Variants in SOX6 observed in about 807,000 individuals in gnomAD.
SOX6 encodes the protein transcription factor SOX-6.
Under a neutral mutation model 97.8 loss-of-function variants are expected in SOX6, and 11 were observed. The observed-to-expected ratio is 0.11, with a 90% CI of 0.07 to 0.19. The LOEUF (loss-of-function observed/expected upper bound fraction) is 0.19, where lower values mean the gene tolerates loss of function less well. Ranked by LOEUF, SOX6 falls within the 10% of genes least tolerant of loss-of-function variation. The probability of loss-of-function intolerance (pLI) is 1.00; values close to 1 mark genes in which losing one functional copy is unlikely to be tolerated. For missense variants in SOX6, 810 were observed against 1,039.5 expected (o/e 0.78, Z 3.04); for synonymous variants, 360 against 371.4 (o/e 0.97, Z 0.35).
chr11:16,331,318 C>G (rs1023771917), intron 2 of SOX6, among the ~76,000 whole-genome samples: 8 of 152,136 alleles, frequency 5.3e-5, no homozygotes, highest in African/African-American at 1.9e-4. Context: ...TTGTCAAATC[C>G]ATTTGTTCCT....
At chr11:16,699,642 A>G (rs1024735924) in intron 3 of SOX6, among the ~76,000 whole-genome samples, 1 of 152,212 alleles carries the variant, frequency 6.6e-6, no homozygotes, top group Non-Finnish European at 1.5e-5. Context: ...AAGTCACACT[A>G]TACTAGATAC....
At chr11:16,043,536 C>G (rs537955308) in intron 12 of SOX6, among the ~76,000 whole-genome samples, 36 of 152,262 alleles carry the variant, frequency 2.4e-4, no homozygotes, top group Admixed American at 1.4e-3. Context: ...TTACCCAATA[C>G]AGTGAGACCC....
intron 3 of SOX6, among the ~76,000 whole-genome samples, chr11:16,705,786 T>C (rs1196079798): frequency 6.6e-6 from 1 of 152,128 alleles, no homozygotes; most frequent in Non-Finnish European, 1.5e-5. Context: ...CGTTATATAT[T>C]AAGATGTTAA....
intron 11 of SOX6, 86 bp downstream of exon 11, chr11:16,049,669 G>T (rs751769922): frequency 6.7e-7 from 1 of 1,495,148 alleles, no homozygotes; most frequent in Non-Finnish European, 9.2e-7. Context: ...GAGCACTTTG[G>T]AAACAAGTAT....
chr11:16,502,506 TTGCCAAAGAG>T (rs1860724059), intron 4 of SOX6, among the ~76,000 whole-genome samples: 1 of 151,522 alleles, frequency 6.6e-6, no homozygotes, highest in Non-Finnish European at 1.5e-5. Context: ...AATGAGAAAT[TTGCCAAAGAG>T]ATAAATATCA....
chr11:16,115,086 AAT>A (rs1357645202), intron 6 of SOX6, among the ~76,000 whole-genome samples: 2 of 152,212 alleles, frequency 1.3e-5, no homozygotes, highest in Non-Finnish European at 2.9e-5. Context: ...AGAAACTTCA[AAT>A]ACTAAATATT....
chr11:16,463,739 T>C (rs1474074602), intron 1 of SOX6, among the ~76,000 whole-genome samples: 5 of 152,230 alleles, frequency 3.3e-5, no homozygotes, highest in African/African-American at 9.6e-5. Flanking sequence ...CTGTTCCCTC[T>C]AGATATTTCA....
intron 4 of SOX6, among the ~76,000 whole-genome samples, chr11:16,588,378 G>T (rs1415288079): frequency 2.0e-5 from 3 of 152,162 alleles, no homozygotes; most frequent in African/African-American, 7.2e-5. Flanking sequence ...TCCCAAACTG[G>T]ATTTTTGCTA....
chr11:16,277,929 T>A (rs1033794660), intron 3 of SOX6, among the ~76,000 whole-genome samples: 1 of 152,166 alleles, frequency 6.6e-6, no homozygotes, highest in Non-Finnish European at 1.5e-5. Flanking sequence ...AAGAATAGTA[T>A]CTACATCATA....
In SOX6 at chr11:15,972,563, T is replaced by C. The variant is rs1853347477; in HGVS notation, c.*246A>G. On this transcript the variant is annotated 3_prime_UTR_variant, in exon 16 of 16. Transcript: ENST00000683767. ...TTGAGATAAGTTTCAAGTCCTGGTGTCTCATATTTAATATGTCTTCACCTA... is the reference window on the plus strand; with the variant it reads ...TTGAGATAAGTTTCAAGTCCTGGTGCCTCATATTTAATATGTCTTCACCTA... 1.3e-5 allele frequency: 7 copies of C among 524,566 alleles called. No homozygotes were observed. The South Asian group carries it at 1.7e-4, about 13-fold the overall frequency. 32.5% of individuals were successfully genotyped at this position (524,566 alleles called of 1,614,324 possible).
At chr11:16,154,698 A>G (rs1431250594) in intron 6 of SOX6, among the ~76,000 whole-genome samples, 1 of 152,174 alleles carries the variant, frequency 6.6e-6, no homozygotes, top group Non-Finnish European at 1.5e-5. Flanking sequence ...TAAAGACAAA[A>G]TAAGAATTAT....
chr11:16,009,762 C>A (rs1854655436), intron 13 of SOX6, among the ~76,000 whole-genome samples: 2 of 152,068 alleles, frequency 1.3e-5, no homozygotes, highest in South Asian at 2.1e-4. Flanking sequence ...GCACTATATT[C>A]TGGTAGGCTT....
At chr11:16,355,115 C>G (rs181977858) in intron 1 of SOX6, among the ~76,000 whole-genome samples, 178 of 152,082 alleles carry the variant, frequency 1.2e-3, no homozygotes, top group Non-Finnish European at 2.0e-3. Flanking sequence ...ATTAACTGTA[C>G]CACAGCTTAG....
intron 13 of SOX6, among the ~76,000 whole-genome samples, chr11:16,011,238 A>G (rs1211765714): frequency 1.3e-5 from 2 of 152,080 alleles, no homozygotes; most frequent in African/African-American, 4.8e-5. Context: ...TCAACTAATC[A>G]AGCCCTCTCT....
chr11:16,057,257 T>C (rs1415708753), intron 9 of SOX6, among the ~76,000 whole-genome samples: 1 of 152,214 alleles, frequency 6.6e-6, no homozygotes, highest in African/African-American at 2.4e-5. Context: ...TTAATGTTAA[T>C]GTCACAAATT....
chr11:16,709,734 C>A (rs999654279), intron 3 of SOX6, among the ~76,000 whole-genome samples: 18 of 152,140 alleles, frequency 1.2e-4, no homozygotes, highest in African/African-American at 4.1e-4. Context: ...TATAGCAAAG[C>A]AAAAATAGCC....
At chr11:16,250,160 A>T (rs549192206) in intron 3 of SOX6, among the ~76,000 whole-genome samples, 21 of 152,242 alleles carry the variant, frequency 1.4e-4, no homozygotes, top group Admixed American at 1.2e-3. Context: ...GTGGCGTTTG[A>T]TTCTCATAGG....
chr11:16,730,520 A>G (rs1197261715), intron 2 of SOX6, among the ~76,000 whole-genome samples: 1 of 152,202 alleles, frequency 6.6e-6, no homozygotes, highest in Non-Finnish European at 1.5e-5. Flanking sequence ...AAATTAAGGG[A>G]AAAATAAATA....
At position 16,605,645 on chromosome 11, in the gene SOX6, G is replaced by T. The variant is rs1375999859; in HGVS notation, n.609+6436C>A. On this transcript the variant is annotated intron_variant and non_coding_transcript_variant, in intron 4 of 5. Coordinates refer to the SOX6 transcript ENST00000524520. The surrounding 1 kb of genome is among the most constrained non-coding windows in gnomAD (Gnocchi z 5.3). ...TCCTCCGAGTAAACTTTATCCCGGCGAGAGAGCGGCGGAGATCCTCGACTC... is the reference window on the plus strand; with the variant it reads ...TCCTCCGAGTAAACTTTATCCCGGCTAGAGAGCGGCGGAGATCCTCGACTC... Among the ~76,000 whole-genome samples, 10 of 151,954 alleles carry T rather than the reference G, an allele frequency of 6.6e-5. No homozygotes were observed. Among genetic ancestry groups the T allele is most frequent in the Non-Finnish European group, 1.5e-4 (10 of 68,008 alleles).
Sources: allele counts gnomAD v4.1 joint callset (sites outside exome capture counted in the v4.1 genomes callset), GRCh38; gene constraint gnomAD v4.1.1; non-coding constraint Gnocchi (gnomAD v3.1); transcripts MANE v1.5; gene names NCBI Gene and HGNC (gene_info 2026-07-23, HGNC 2026-07-21).